The following PDLIM3 variants were observed in gnomAD, a reference collection of about 807,000 sequenced individuals.
The protein encoded by PDLIM3 is PDZ and LIM domain protein 3.
A neutral mutation model predicts 37.3 loss-of-function variants in PDLIM3; 36 were observed. That is an observed-to-expected ratio of 0.97 (90% CI 0.74 to 1.28). The LOEUF is 1.28. Among genes scored for constraint, PDLIM3 ranks in the 50% most tolerant of loss-of-function variants. The probability of loss-of-function intolerance (pLI) is 0.00; values close to 1 mark genes in which losing one functional copy is unlikely to be tolerated. For missense variants in PDLIM3, 454 were observed against 485.0 expected (o/e 0.94, Z 0.60); for synonymous variants, 174 against 182.4 (o/e 0.95, Z 0.37).
intron 5 of PDLIM3, among the ~76,000 whole-genome samples, chr4:185,507,903 C>T (rs192226545): frequency 2.3e-4 from 35 of 151,958 alleles, no homozygotes; most frequent in Admixed American, 8.5e-4. Context: ...TTTTGATCCC[C>T]AAAGGACAGA....
intron 7 of PDLIM3, among the ~76,000 whole-genome samples, chr4:185,503,043 C>T (rs150457799): frequency 0.04 from 6,091 of 152,086 alleles, 177 homozygotes; most frequent in Non-Finnish European, 0.061. Context: ...CTGGCTAACA[C>T]GGTGAAACCC....
chr4:185,514,404 G>A lies in PDLIM3; in HGVS notation c.331-67C>T. The A allele has an allele frequency of 1.1e-5, 18 of 1,613,842 alleles. No homozygotes were observed. Among genetic ancestry groups the A allele is most frequent in the Non-Finnish European group, 1.4e-5 (17 of 1,179,926 alleles). On this transcript the variant is annotated intron_variant, in intron 3 of 7. Transcript: ENST00000284767. This position sits in a 1 kb window ranked among gnomAD's most constrained non-coding sequence, Gnocchi z 4.0. ...GACACTGTTGCAGATAAGATTAAAC[G>A]AACGATAGTTGTACAGGGAGGATCA...
chr4:185,516,680 A>G (rs1473748234), intron 3 of PDLIM3: 4 of 152,230 alleles, frequency 2.6e-5, no homozygotes, highest in Admixed American at 2.6e-4. Flanking sequence ...TTAAAAAAAC[A>G]AAAATTATGC....
At chr4:185,518,007 T>C (rs2095717469) in intron 3 of PDLIM3, among the ~76,000 whole-genome samples, 1 of 152,166 alleles carries the variant, frequency 6.6e-6, no homozygotes, top group Admixed American at 6.5e-5. Context: ...AAAATGCCAG[T>C]TAAAAAAGTG....
At chr4:185,519,743 G>GT (rs2095720293) in intron 3 of PDLIM3, among the ~76,000 whole-genome samples, 1 of 152,168 alleles carries the variant, frequency 6.6e-6, no homozygotes, top group Non-Finnish European at 1.5e-5. Context: ...GGATGGTATA[G>GT]TTTTTTCCCC....
chr4:185,514,485 T>C lies in PDLIM3; in HGVS notation c.331-148A>G, dbSNP rs1261600032. 4 of 1,504,614 alleles carry C rather than the reference T, an allele frequency of 2.7e-6. No individual in the cohort carries two copies. The Admixed American group carries it at 7.7e-5, about 29-fold the overall frequency. The allele number at this position is 1,504,614 out of a possible 1,614,324, so 93.2% of individuals were successfully genotyped here. On this transcript the variant is annotated intron_variant, in intron 3 of 7. Coordinates refer to ENST00000284767, the MANE Select transcript of PDLIM3 (RefSeq NM_014476.6). The surrounding 1 kb of genome is among the most constrained non-coding windows in gnomAD (Gnocchi z 4.0). ...AGGCGATGACGGGACCAGGACGATG[T>C]CTTCTTTCCAACCATCTATCCGCTA...
Position 185,501,861 on chromosome 4 carries a change from G to C in PDLIM3, c.*433C>G, listed in dbSNP as rs1483693462. The C allele has an allele frequency of 3.9e-6, 1 of 255,714 alleles. No individual in the cohort carries two copies. Among genetic ancestry groups the C allele is most frequent in the Non-Finnish European group, 7.7e-6 (1 of 130,292 alleles). 15.8% of individuals were successfully genotyped at this position (255,714 alleles called of 1,614,324 possible). A position where few individuals can be genotyped will look rare whatever the true frequency, so the allele number is the denominator to read the frequency against. ...TTTCTCCCTAACATGCACTGTAATA[G>C]TTAAAACACATACAGACAACTGCAG... On this transcript the variant is annotated 3_prime_UTR_variant, in exon 8 of 8. Transcript: ENST00000284767.
intron 4 of PDLIM3, among the ~76,000 whole-genome samples, chr4:185,508,973 C>G (rs866658848): frequency 6.6e-6 from 1 of 152,192 alleles, no homozygotes; most frequent in African/African-American, 2.4e-5. Flanking sequence ...GCTGGACATC[C>G]TTTTACATTT....
At chr4:185,505,634 A>T (rs567821638) in intron 6 of PDLIM3, among the ~76,000 whole-genome samples, 3 of 152,034 alleles carry the variant, frequency 2.0e-5, no homozygotes, top group African/African-American at 2.4e-5. Flanking sequence ...AAGAAAAAAA[A>T]AAAAATAAAG....
chr4:185,513,962 G>T, intron 4 of PDLIM3: 2 of 1,250,996 alleles, frequency 1.6e-6, no homozygotes, highest in Non-Finnish European at 2.0e-6. Flanking sequence ...TAGACATACT[G>T]ACTGCCCGAC....
chr4:185,501,420 G>A lies in PDLIM3; in HGVS notation c.*874C>T, dbSNP rs182935943. The A allele has an allele frequency of 6.6e-6, 1 of 152,330 alleles. No individual in the cohort carries two copies. The highest frequency in any genetic ancestry group is 1.9e-4 in the East Asian group (1 of 5,178). The allele number at this position is 152,330 out of a possible 1,614,324, so 9.4% of individuals were successfully genotyped here. ...CATCTTGGGAAGAGGAGGAGGTGGTGAACCATTGAGCCTAAGAAACAGCAG... is the reference window on the plus strand; with the variant it reads ...CATCTTGGGAAGAGGAGGAGGTGGTAAACCATTGAGCCTAAGAAACAGCAG... On this transcript the variant is annotated 3_prime_UTR_variant, in exon 8 of 8. Transcript: ENST00000284767.
intron 2 of PDLIM3, among the ~76,000 whole-genome samples, 172 bp from the exon 3 acceptor site, chr4:185,523,618 C>T: frequency 6.7e-6 from 1 of 149,590 alleles, no homozygotes; most frequent in Non-Finnish European, 1.5e-5. Flanking sequence ...TTAGTCTTCC[C>T]CCCCCCTTTT....
chr4:185,531,020 A>AT (rs2095743584), intron 1 of PDLIM3, among the ~76,000 whole-genome samples: 1 of 151,696 alleles, frequency 6.6e-6, no homozygotes, highest in African/African-American at 2.4e-5. Flanking sequence ...ACACACGTAT[A>AT]TATATATAGG....
At chr4:185,513,451 C>T (rs1417621654) in intron 4 of PDLIM3, 17 of 936,534 alleles carry the variant, frequency 1.8e-5, no homozygotes, top group Non-Finnish European at 2.2e-5. Context: ...GTCTCACACA[C>T]TTAAGAGTGA....
At chr4:185,535,214 C>A in intron 1 of PDLIM3, 128 bp downstream of exon 1, 1 of 776,306 alleles carries the variant, frequency 1.3e-6, no homozygotes, top group South Asian at 1.8e-5. Flanking sequence ...GCCCGGGAGC[C>A]AGCAGCGCCC....
In PDLIM3 at chr4:185,508,502, G is replaced by A. The variant is rs1580239760; in HGVS notation, c.459C>T (p.Val153=). The A allele has an allele frequency of 1.2e-6, 2 of 1,614,150 alleles. No homozygotes were observed. Among genetic ancestry groups the A allele is most frequent in the Non-Finnish European group, 1.7e-6 (2 of 1,179,992 alleles). Residue 153 remains valine, a synonymous_variant, in exon 5 of 8, where the codon GTC becomes GTT. Coordinates refer to ENST00000284767, the MANE Select transcript of PDLIM3 (RefSeq NM_014476.6). The part of the protein sequence containing the change: ...CGSGRSTPSS[V]STVSTICPGD... ...CTGGGCAAATGGTACTAACAGTACT[G>A]ACAGAAGAAGGGGTGCTGCGTCCAC...
At chr4:185,506,152 T>TAG (rs1207930460) in intron 6 of PDLIM3, among the ~76,000 whole-genome samples, 7 of 152,222 alleles carry the variant, frequency 4.6e-5, no homozygotes, top group African/African-American at 1.7e-4. Flanking sequence ...TAAGGGTTTT[T>TAG]AGAGCATTGT....
At chr4:185,534,920 G>C (rs918869224) in intron 1 of PDLIM3, among the ~76,000 whole-genome samples, 1 of 152,222 alleles carries the variant, frequency 6.6e-6, no homozygotes, top group East Asian at 1.9e-4. Flanking sequence ...GGGAATGCCG[G>C]GGGGTGCCAG....
intron 7 of PDLIM3, among the ~76,000 whole-genome samples, chr4:185,503,809 G>A (rs1293422240): frequency 2.6e-5 from 4 of 152,122 alleles, no homozygotes; most frequent in Non-Finnish European, 5.9e-5. Flanking sequence ...TTAGCCAGGT[G>A]TGGTGGTGGG....
Sources: gnomAD v4.1 joint callset for allele counts (sites outside exome capture counted in the v4.1 genomes callset) on GRCh38, gnomAD v4.1.1 for gene constraint, Gnocchi (gnomAD v3.1) non-coding constraint, MANE v1.5 for transcripts, NCBI Gene and HGNC (gene_info 2026-07-23, HGNC 2026-07-21) for gene names.